The following GALNT17 variants were observed in gnomAD, a reference collection of about 807,000 sequenced individuals.
GALNT17 encodes the protein UDP-GalNAc:polypeptide N-acetylgalactosaminyltransferase-like 3.
In GALNT17, 29 loss-of-function variants were observed where a neutral mutation model predicts 63.7. The observed-to-expected ratio is 0.46, with a 90% CI of 0.34 to 0.62. The LOEUF is 0.62. GALNT17 is among the 20% of genes least tolerant of loss of function. The pLI, the probability that GALNT17 is intolerant of heterozygous loss-of-function variation, is 0.01. For synonymous variants in GALNT17, 305 were observed against 318.3 expected (o/e 0.96, Z 0.45); for missense variants, 603 against 799.6 (o/e 0.75, Z 2.97).
intron 5 of GALNT17, among the ~76,000 whole-genome samples, chr7:71,546,614 A>C (rs534258190): frequency 1.4e-3 from 214 of 152,356 alleles, no homozygotes; most frequent in South Asian, 3.1e-3. Context: ...GCTGTGTTAG[A>C]ACAAGGTACT....
At chr7:71,141,003 TGACAGAG>T (rs1787878669) in intron 1 of GALNT17, among the ~76,000 whole-genome samples, 1 of 146,432 alleles carries the variant, frequency 6.8e-6, no homozygotes, top group Non-Finnish European at 1.5e-5. Context: ...CCATCCTGGG[TGACAGAG>T]CAAGACCCAA....
chr7:71,710,664 C>G, intron 9 of GALNT17, 97 bp from the exon 10 acceptor site: 1 of 1,396,080 alleles, frequency 7.2e-7, no homozygotes, highest in Non-Finnish European at 9.9e-7. Context: ...TATTGACAAA[C>G]AGCAGGAGTA....
intron 6 of GALNT17, among the ~76,000 whole-genome samples, chr7:71,608,473 A>G (rs1248324488): frequency 6.6e-6 from 1 of 152,160 alleles, no homozygotes; most frequent in Non-Finnish European, 1.5e-5. Context: ...AATAAAATGA[A>G]AAGTGTTACA....
chr7:71,290,722 C>G (rs1039946936), intron 1 of GALNT17, among the ~76,000 whole-genome samples: 1 of 152,200 alleles, frequency 6.6e-6, no homozygotes, highest in Non-Finnish European at 1.5e-5. Context: ...AAAATCCTCC[C>G]TGAAGTTCCA....
intron 1 of GALNT17, among the ~76,000 whole-genome samples, chr7:71,260,312 G>A (rs529717413): frequency 2.6e-5 from 4 of 152,278 alleles, no homozygotes; most frequent in South Asian, 2.1e-4. Flanking sequence ...TACATCTCTT[G>A]ACACTTCTAT....
intron 5 of GALNT17, among the ~76,000 whole-genome samples, chr7:71,471,005 T>C (rs1390774535): frequency 6.6e-6 from 1 of 152,174 alleles, no homozygotes; most frequent in African/African-American, 2.4e-5. Context: ...ACGGCAGCCC[T>C]GTGGACATCC....
At chr7:71,190,084 T>G (rs1307064836) in intron 1 of GALNT17, among the ~76,000 whole-genome samples, 3 of 152,172 alleles carry the variant, frequency 2.0e-5, no homozygotes, top group African/African-American at 7.2e-5. Context: ...GTGCTGGGAT[T>G]ACAGGCATGA....
chr7:71,576,800 T>G (rs188009566), intron 6 of GALNT17, among the ~76,000 whole-genome samples: 1 of 152,240 alleles, frequency 6.6e-6, no homozygotes, highest in East Asian at 1.9e-4. Flanking sequence ...ACTTCTGACC[T>G]CAAGTGATCT....
At chr7:71,539,554 C>G (rs891683351) in intron 5 of GALNT17, among the ~76,000 whole-genome samples, 7 of 151,934 alleles carry the variant, frequency 4.6e-5, no homozygotes, top group African/African-American at 1.5e-4. Flanking sequence ...GACATCAATC[C>G]AACACACATA....
rs61639114 is a variant in GALNT17, at chr7:71,347,306, G to A, written c.422+11573G>A. ...GTCCCTTTCTAGCTATGTGACCTTG[G>A]GCAAGTTGCTTAACCTGTCTGTGCC... On this transcript the variant is annotated intron_variant, in intron 2 of 10. Transcript: ENST00000333538. 2.6e-5 allele frequency among the ~76,000 whole-genome samples: 4 copies of A among 152,180 alleles called. No individual in the cohort carries two copies. The East Asian group carries it at 7.7e-4, about 29-fold the overall frequency.
chr7:71,553,180 A>C (rs1382726541), intron 5 of GALNT17, among the ~76,000 whole-genome samples: 1 of 152,098 alleles, frequency 6.6e-6, no homozygotes, highest in Admixed American at 6.6e-5. Context: ...TGCAAAAATT[A>C]TCTGAGTGTA....
intron 1 of GALNT17, among the ~76,000 whole-genome samples, chr7:71,265,915 A>G (rs528540674): frequency 1.3e-5 from 2 of 152,342 alleles, no homozygotes; most frequent in South Asian, 2.1e-4. Flanking sequence ...TTTCGAGGTT[A>G]GAAATCTGAA....
chr7:71,691,166 G>A (rs374346971), intron 9 of GALNT17, among the ~76,000 whole-genome samples: 15 of 152,104 alleles, frequency 9.9e-5, no homozygotes, highest in African/African-American at 3.1e-4. Context: ...TGCCACAGCC[G>A]CCCCAACATT....
chr7:71,250,833 C>T (rs191230102), intron 1 of GALNT17, among the ~76,000 whole-genome samples: 1 of 152,310 alleles, frequency 6.6e-6, no homozygotes. Flanking sequence ...GCAAACCTGC[C>T]TTCTGTGTGC....
intron 1 of GALNT17, among the ~76,000 whole-genome samples, chr7:71,319,653 T>G (rs1357159891): frequency 6.6e-6 from 1 of 152,172 alleles, no homozygotes; most frequent in Non-Finnish European, 1.5e-5. Flanking sequence ...CCAACCAAAC[T>G]CTTGATTCCA....
intron 2 of GALNT17, among the ~76,000 whole-genome samples, chr7:71,339,473 G>A (rs1384004377): frequency 6.6e-6 from 1 of 152,170 alleles, no homozygotes; most frequent in African/African-American, 2.4e-5. Context: ...GATCACCTGA[G>A]GTCGGGAGTT....
At chr7:71,453,062 G>A (rs1052417511) in intron 5 of GALNT17, among the ~76,000 whole-genome samples, 39 of 152,280 alleles carry the variant, frequency 2.6e-4, no homozygotes, top group African/African-American at 7.7e-4. Context: ...CTCCAGGAGG[G>A]TAAGAGACAT....
chr7:71,185,267 C>G (rs190426680), intron 1 of GALNT17, among the ~76,000 whole-genome samples: 2 of 150,372 alleles, frequency 1.3e-5, no homozygotes, highest in African/African-American at 4.9e-5. Flanking sequence ...GTACAATGGT[C>G]TCATCACGGC....
chr7:71,565,483 C>A (rs1472794596), intron 5 of GALNT17, among the ~76,000 whole-genome samples: 3 of 151,982 alleles, frequency 2.0e-5, no homozygotes, highest in Admixed American at 1.3e-4. Flanking sequence ...TCCTGCTCTC[C>A]CTTCTCCATC....
Sources: gnomAD v4.1 joint callset for allele counts (sites outside exome capture counted in the v4.1 genomes callset) on GRCh38, gnomAD v4.1.1 for gene constraint, MANE v1.5 for transcripts, NCBI Gene and HGNC (gene_info 2026-07-23, HGNC 2026-07-21) for gene names.